RACGAP1: variants seen among roughly 807,000 people sequenced by gnomAD.
RACGAP1 encodes the protein Rac GTPase activating protein 1.
A neutral mutation model predicts 78.1 loss-of-function variants in RACGAP1; 30 were observed. The ratio of observed to expected loss-of-function variants is 0.38; its 90% CI spans 0.29 to 0.52. The LOEUF is 0.52. Ranked by LOEUF, RACGAP1 falls within the 20% of genes least tolerant of loss-of-function variation. The probability of loss-of-function intolerance (pLI) is 0.82; values close to 1 mark genes in which losing one functional copy is unlikely to be tolerated. For missense variants in RACGAP1, 587 were observed against 777.1 expected (o/e 0.76, Z 2.91); for synonymous variants, 231 against 264.8 (o/e 0.87, Z 1.24).
At chr12:49,991,473 ATATATATTTTT>A (rs1947849031) in intron 15 of RACGAP1, among the ~76,000 whole-genome samples, 2 of 30,398 alleles carry the variant, frequency 6.6e-5, no homozygotes, top group Non-Finnish European at 1.7e-4. Flanking sequence ...ATATATATAT[ATATATATTTTT>A]TTTTTTTTTT....
chr12:50,004,269 G>A lies in RACGAP1; in HGVS notation c.461C>T (p.Ser154Leu), dbSNP rs759008488. 1.9e-6 allele frequency: 3 copies of A among 1,605,698 alleles called. No individual in the cohort carries two copies. The highest frequency in any genetic ancestry group is 2.6e-6 in the Non-Finnish European group (3 of 1,173,172). The change falls in exon 5 of 17, where the codon TCA becomes TTA. Residue 154 changes from serine to leucine, a missense_variant. Physicochemically the swap from Ser to Leu is moderately radical, Grantham distance 145. Coordinates refer to ENST00000312377, the MANE Select transcript of RACGAP1 (RefSeq NM_001319999.2). ...STIDESGSIL[S>L]DISFDKTDES... The stretch of plus-strand genomic sequence containing the variant: ...ATCAGTCTTGTCAAAGCTGATATCT[G>A]ATAAAATGGAACCAGATTCATCAAT...
chr12:50,032,582 G>A (rs1456941416), intron 1 of RACGAP1, among the ~76,000 whole-genome samples: 4 of 139,902 alleles, frequency 2.9e-5, no homozygotes, highest in Non-Finnish European at 6.0e-5. Flanking sequence ...GGGGTGGCGT[G>A]GGGGCGCGGG....
chr12:49,996,897 CAAGT>C (rs1456835973), intron 10 of RACGAP1, 139 bp downstream of exon 10: 22 of 1,291,588 alleles, frequency 1.7e-5, no homozygotes, highest in East Asian at 2.9e-5. Context: ...GACTCTTCTA[CAAGT>C]AAGTATCTTA....
upstream of RACGAP1, among the ~76,000 whole-genome samples, chr12:50,030,395 A>G (rs1427148262): frequency 6.6e-6 from 1 of 151,066 alleles, no homozygotes; most frequent in Admixed American, 6.6e-5. Flanking sequence ...TCCATAATAT[A>G]TGTACAGTCT....
chr12:50,006,366 G>A, intron 3 of RACGAP1, 68 bp downstream of exon 3: 1 of 1,557,484 alleles, frequency 6.4e-7, no homozygotes, highest in South Asian at 1.1e-5. Flanking sequence ...TTTGGCAAGT[G>A]GAAACTGTCA....
chr12:50,017,353 G>A (rs1949738045), intron 1 of RACGAP1, among the ~76,000 whole-genome samples: 1 of 152,192 alleles, frequency 6.6e-6, no homozygotes. Context: ...TAGAGGCAAA[G>A]GATTATGTTG....
chr12:49,996,510 C>T (rs919683825), intron 10 of RACGAP1, among the ~76,000 whole-genome samples: 3 of 150,816 alleles, frequency 2.0e-5, no homozygotes, highest in Non-Finnish European at 4.4e-5. Flanking sequence ...GGTGGTGGTA[C>T]ATGCCTGTAA....
chr12:49,996,627 C>CCAAAAAAAAAAAAAAAAAAAAAAAAAA (rs1948285121), intron 10 of RACGAP1, among the ~76,000 whole-genome samples: 1 of 6,394 alleles, frequency 1.6e-4, no homozygotes, highest in African/African-American at 3.6e-4. Context: ...GGCAATAGAG[C>CCAAAAAAAAAAAAAAAAAAAAAAAAAA]TAAAAAAAAA....
At chr12:50,005,515 A>T in intron 3 of RACGAP1, 123 bp from the exon 4 acceptor site, 2 of 1,073,512 alleles carry the variant, frequency 1.9e-6, no homozygotes, top group Non-Finnish European at 2.7e-6. Flanking sequence ...ACCTTCAGGA[A>T]GGCTGCTACA....
At chr12:50,021,002 A>T (rs1322712975) in intron 1 of RACGAP1, 1 of 429,032 alleles carries the variant, frequency 2.3e-6, no homozygotes, top group Non-Finnish European at 3.1e-6. Context: ...ATCTTTCTAT[A>T]TCAGTACTAA....
intron 10 of RACGAP1, among the ~76,000 whole-genome samples, chr12:49,995,458 T>C (rs1034992217): frequency 3.9e-5 from 6 of 152,120 alleles, no homozygotes; most frequent in African/African-American, 1.4e-4. Flanking sequence ...GGTAGGAAGA[T>C]AGTCATTTTG....
intron 2 of RACGAP1, among the ~76,000 whole-genome samples, chr12:50,010,544 T>G (rs1351085175): frequency 6.6e-6 from 1 of 151,920 alleles, no homozygotes; most frequent in Non-Finnish European, 1.5e-5. Context: ...AGACTGGTCT[T>G]GAACTCCTGA....
At chr12:49,996,519 A>G (rs2137292138) in intron 10 of RACGAP1, among the ~76,000 whole-genome samples, 1 of 151,056 alleles carries the variant, frequency 6.6e-6, no homozygotes, top group South Asian at 2.1e-4. Flanking sequence ...ACATGCCTGT[A>G]ATTCCAGGTA....
chr12:50,028,520 GC>G (rs1264892396), upstream of RACGAP1, among the ~76,000 whole-genome samples: 1 of 152,234 alleles, frequency 6.6e-6, no homozygotes, highest in Non-Finnish European at 1.5e-5. Flanking sequence ...TGTAATCCCA[GC>G]CCTTTGGGAG....
chr12:50,010,179 A>C (rs1949225727), intron 2 of RACGAP1, among the ~76,000 whole-genome samples: 3 of 152,240 alleles, frequency 2.0e-5, no homozygotes, highest in African/African-American at 7.2e-5. Context: ...GCAGCTTATG[A>C]AAAATTAAAA....
intron 2 of RACGAP1, among the ~76,000 whole-genome samples, chr12:50,011,953 CAA>C (rs771572498): frequency 9.9e-4 from 34 of 34,500 alleles, no homozygotes; most frequent in African/African-American, 2.2e-3. Flanking sequence ...GACTCCGTCT[CAA>C]AAAAAAAAAA....
chr12:50,004,311 C>T lies in RACGAP1; in HGVS notation c.426-7G>A. ...TTCATCAATGGTTGATAGTCTAGAT[C>T]AGTGAAACAATACAACGTTAGACAT... On this transcript the variant is annotated splice_polypyrimidine_tract_variant and splice_region_variant and intron_variant, in intron 4 of 16. Transcript: ENST00000312377. The T allele has an allele frequency of 6.3e-7, 1 of 1,589,608 alleles. No individual in the cohort carries two copies. The highest frequency in any genetic ancestry group is 1.3e-5 in the African/African-American group (1 of 74,786).
chr12:50,024,140 G>A (rs564639688), intron 1 of RACGAP1, among the ~76,000 whole-genome samples: 3 of 151,338 alleles, frequency 2.0e-5, no homozygotes, highest in South Asian at 2.1e-4. Context: ...CAGCCTGGGC[G>A]ACACAGCGAG....
intron 2 of RACGAP1, among the ~76,000 whole-genome samples, chr12:50,030,670 C>T (rs541704230): frequency 6.6e-6 from 1 of 152,198 alleles, no homozygotes; most frequent in African/African-American, 2.4e-5. Context: ...GACTGGGCGA[C>T]AGAGTGAAAC....
Sources: gnomAD v4.1 joint callset for allele counts (sites outside exome capture counted in the v4.1 genomes callset) on GRCh38, gnomAD v4.1.1 for gene constraint, MANE v1.5 for transcripts, NCBI Gene and HGNC (gene_info 2026-07-23, HGNC 2026-07-21) for gene names.